The following ITPR1 variants were observed in gnomAD, a reference collection of about 807,000 sequenced individuals.
ITPR1 encodes inositol 1,4,5-trisphosphate-gated calcium channel ITPR1.
In ITPR1, 96 loss-of-function variants were observed where a neutral mutation model predicts 318.4. The ratio of observed to expected loss-of-function variants is 0.30; its 90% CI spans 0.26 to 0.36. The LOEUF (loss-of-function observed/expected upper bound fraction) is 0.36. Among genes scored for constraint, ITPR1 ranks in the 10% least tolerant of loss-of-function variants. ITPR1 has a pLI of 1.00. For missense variants in ITPR1, 2,440 were observed against 3,460.2 expected (o/e 0.71, Z 7.40); for synonymous variants, 1,312 against 1,289.9 (o/e 1.02, Z -0.37).
chr3:4,573,286 C>G (rs1022256949), intron 4 of ITPR1, among the ~76,000 whole-genome samples: 3 of 152,164 alleles, frequency 2.0e-5, no homozygotes, highest in South Asian at 2.1e-4. Flanking sequence ...ATGCCCTAAT[C>G]TAGTCCCTCA....
chr3:4,843,339 C>A (rs2051510394), intron 61 of ITPR1, among the ~76,000 whole-genome samples: 1 of 152,096 alleles, frequency 6.6e-6, no homozygotes, highest in Non-Finnish European at 1.5e-5. Flanking sequence ...TATATGTACA[C>A]AAATTACTTT....
chr3:4,674,522 T>C (rs570996844), intron 22 of ITPR1, among the ~76,000 whole-genome samples, 179 bp downstream of exon 22: 5 of 152,224 alleles, frequency 3.3e-5, no homozygotes, highest in Admixed American at 6.5e-5. Flanking sequence ...ACCAGTCACA[T>C]GGCTTAATAG....
At chr3:4,541,432 A>G (rs1479420632) in intron 4 of ITPR1, among the ~76,000 whole-genome samples, 1 of 151,740 alleles carries the variant, frequency 6.6e-6, no homozygotes, top group Non-Finnish European at 1.5e-5. Context: ...GTTAAAAGCA[A>G]CCTTGCTCAG....
At chr3:4,652,621 A>G (rs923767992) in intron 11 of ITPR1, among the ~76,000 whole-genome samples, 1 of 152,206 alleles carries the variant, frequency 6.6e-6, no homozygotes, top group African/African-American at 2.4e-5. Flanking sequence ...GAATTAGATA[A>G]TCTTATAAAG....
intron 30 of ITPR1, among the ~76,000 whole-genome samples, chr3:4,686,239 C>G (rs373819367): frequency 6.6e-6 from 1 of 152,146 alleles, no homozygotes; most frequent in African/African-American, 2.4e-5. Flanking sequence ...CTATGCCTGT[C>G]GCCTTCTACT....
At chr3:4,834,987 A>G (rs941916075) in intron 60 of ITPR1, among the ~76,000 whole-genome samples, 1 of 152,146 alleles carries the variant, frequency 6.6e-6, no homozygotes, top group African/African-American at 2.4e-5. Context: ...TGCATGCAGA[A>G]GAAGAGTTGC....
At chr3:4,546,311 C>T (rs929177134) in intron 4 of ITPR1, among the ~76,000 whole-genome samples, 1 of 152,102 alleles carries the variant, frequency 6.6e-6, no homozygotes, top group Non-Finnish European at 1.5e-5. Flanking sequence ...TGTGAGCACT[C>T]GAACCTGTCA....
intron 26 of ITPR1, among the ~76,000 whole-genome samples, chr3:4,681,655 G>GTGTGTGTGTGTT (rs2094304050): frequency 6.6e-6 from 1 of 151,106 alleles, no homozygotes; most frequent in Non-Finnish European, 1.5e-5. Context: ...GTGTGTGTGT[G>GTGTGTGTGTGTT]TGTCCCACCT....
At chr3:4,571,318 T>TC (rs2087959903) in intron 4 of ITPR1, among the ~76,000 whole-genome samples, 1 of 152,116 alleles carries the variant, frequency 6.6e-6, no homozygotes, top group Non-Finnish European at 1.5e-5. Context: ...CTTTTTCTTT[T>TC]TTTCTCTTCT....
At chr3:4,683,921 A>G in intron 28 of ITPR1, 123 bp downstream of exon 28, 1 of 865,080 alleles carries the variant, frequency 1.2e-6, no homozygotes, top group Non-Finnish European at 1.7e-6. Flanking sequence ...CTGCTTGTTA[A>G]GTCACCAAGA....
At chr3:4,648,608 A>G (rs1158229147) in intron 10 of ITPR1, among the ~76,000 whole-genome samples, 1 of 152,162 alleles carries the variant, frequency 6.6e-6, no homozygotes, top group Non-Finnish European at 1.5e-5. Flanking sequence ...TCAGGAATTC[A>G]AGACCAACCT....
chr3:4,734,701 A>AC (rs2043156082), intron 43 of ITPR1, among the ~76,000 whole-genome samples: 4 of 152,232 alleles, frequency 2.6e-5, no homozygotes, highest in African/African-American at 9.6e-5. Flanking sequence ...AAACAGATAA[A>AC]TTATGTAAAA....
intron 4 of ITPR1, among the ~76,000 whole-genome samples, chr3:4,556,355 T>A (rs1387361307): frequency 6.6e-6 from 1 of 152,224 alleles, no homozygotes; most frequent in African/African-American, 2.4e-5. Flanking sequence ...ATTCTCGAAG[T>A]CATACATTTT....
At chr3:4,792,192 G>A (rs1321229215) in intron 52 of ITPR1, among the ~76,000 whole-genome samples, 1 of 152,012 alleles carries the variant, frequency 6.6e-6, no homozygotes, top group Non-Finnish European at 1.5e-5. Flanking sequence ...TGACCACATT[G>A]GACCTACCTA....
intron 4 of ITPR1, among the ~76,000 whole-genome samples, chr3:4,540,370 C>G (rs906030744): frequency 5.3e-5 from 8 of 152,092 alleles, no homozygotes; most frequent in African/African-American, 1.9e-4. Context: ...AATTCTCTGT[C>G]ATTATATTTT....
intron 40 of ITPR1, among the ~76,000 whole-genome samples, chr3:4,719,860 G>A (rs1178305336): frequency 6.6e-6 from 1 of 152,006 alleles, no homozygotes; most frequent in Non-Finnish European, 1.5e-5. Flanking sequence ...CAAGCAAAGA[G>A]GCAGGGTCTC....
chr3:4,711,401 G>C (rs527896034), intron 38 of ITPR1, among the ~76,000 whole-genome samples: 24 of 152,074 alleles, frequency 1.6e-4, no homozygotes, highest in African/African-American at 5.5e-4. Flanking sequence ...TACAGTGTTG[G>C]CATATTTGAC....
Position 4,806,234 on chromosome 3 carries a change from G to C in ITPR1, c.7239G>C (p.Gly2413=), listed in dbSNP as rs1207614712. 1.2e-6 allele frequency: 2 copies of C among 1,613,978 alleles called. No individual in the cohort carries two copies. Among genetic ancestry groups the C allele is most frequent in the Non-Finnish European group, 8.5e-7 (1 of 1,179,858 alleles). ...TGTATCTGGTGATCTGTGCCATGGG[G>C]CTCTTTGTCCATGAATTCTTCTACA... ...HLLYLVICAM[G]LFVHEFFYSL... is the part of the protein sequence containing the mutation. The change falls in exon 55 of 62, where the codon GGG becomes GGC. Residue 2413 remains glycine (G), a synonymous_variant. Coordinates refer to ENST00000649015, the MANE Select transcript of ITPR1 (RefSeq NM_001378452.1).
chr3:4,568,085 G>A (rs2087562767), intron 4 of ITPR1, among the ~76,000 whole-genome samples: 1 of 152,220 alleles, frequency 6.6e-6, no homozygotes. Context: ...TGAAGGCGCA[G>A]ACCTGAGAAG....
Sources: allele counts gnomAD v4.1 joint callset (sites outside exome capture counted in the v4.1 genomes callset), GRCh38; gene constraint gnomAD v4.1.1; transcripts MANE v1.5; gene names NCBI Gene and HGNC (gene_info 2026-07-23, HGNC 2026-07-21).